The following IPO11 variants were observed in gnomAD, a reference collection of about 807,000 sequenced individuals.
IPO11 encodes the protein importin-11.
In IPO11, 66 loss-of-function variants were observed where a neutral mutation model predicts 143.2. That is an observed-to-expected ratio of 0.46 (90% CI 0.38 to 0.57). The LOEUF is 0.57. Ranked by LOEUF, IPO11 falls within the 20% of genes least tolerant of loss-of-function variation. IPO11 has a pLI of 0.00. For missense variants in IPO11, 1,026 were observed against 1,141.0 expected (o/e 0.90, Z 1.45); for synonymous variants, 385 against 377.8 (o/e 1.02, Z -0.22).
chr5:62,594,440 A>G (rs1040617049), intron 28 of IPO11, among the ~76,000 whole-genome samples: 1 of 152,198 alleles, frequency 6.6e-6, no homozygotes, highest in African/African-American at 2.4e-5. Context: ...GAAGAAGTAC[A>G]GTGTCCCAGC....
chr5:62,616,560 A>T (rs1051406614), intron 29 of IPO11, among the ~76,000 whole-genome samples: 2 of 151,716 alleles, frequency 1.3e-5, no homozygotes, highest in Non-Finnish European at 2.9e-5. Flanking sequence ...TCTATACTAA[A>T]AATACAAAAA....
intron 1 of IPO11, among the ~76,000 whole-genome samples, chr5:62,434,017 T>C (rs1174954734): frequency 2.6e-5 from 4 of 152,302 alleles, no homozygotes; most frequent in South Asian, 2.1e-4. Flanking sequence ...TATACCTATA[T>C]GAAAAGCCTA....
At chr5:62,485,300 C>A (rs26640) in intron 11 of IPO11, 119 bp from the exon 12 acceptor site, 753,431 of 753,440 alleles carry the variant, frequency 1, 376,711 homozygotes, top group Middle Eastern at 1. Context: ...GTTCCCAAGG[C>A]TTTGCTCTTA....
chr5:62,484,959 C>T (rs1414655907), intron 11 of IPO11, among the ~76,000 whole-genome samples: 1 of 150,586 alleles, frequency 6.6e-6, no homozygotes, highest in African/African-American at 2.4e-5. Flanking sequence ...GTACATACAA[C>T]ATTGTAACAT....
intron 21 of IPO11, 103 bp from the exon 22 acceptor site, chr5:62,530,606 T>TA (rs546363596): frequency 1.6e-5 from 11 of 671,752 alleles, no homozygotes; most frequent in East Asian, 2.7e-5. Flanking sequence ...ATTATACACT[T>TA]ACCTTTCTTC....
rs1340072288 is a variant in IPO11 at position 62,513,919 on chromosome 5, G to A, written c.1783-1469G>A. Among the ~76,000 whole-genome samples, 7 of 150,688 alleles carry A rather than the reference G, an allele frequency of 4.6e-5. No homozygotes were observed. In the East Asian group the frequency reaches 6.0e-4, roughly 13 times the overall value. ...CGCTCCTCACCTCCCAGACGGGGTC[G>A]CGGCCGGGCCGAGGCGCTCCTCACA... is the stretch of plus-strand genomic sequence containing the variant. On this transcript the variant is annotated intron_variant, in intron 19 of 29. Transcript: ENST00000325324.
At chr5:62,579,492 CT>C (rs1432638455) in intron 27 of IPO11, 6 of 1,550,776 alleles carry the variant, frequency 3.9e-6, no homozygotes, top group Non-Finnish European at 2.6e-6. Flanking sequence ...TGGTTGTTAC[CT>C]GTTATCTTTT....
At chr5:62,558,755 G>A (rs567136551) in intron 26 of IPO11, among the ~76,000 whole-genome samples, 1 of 151,924 alleles carries the variant, frequency 6.6e-6, no homozygotes, top group Non-Finnish European at 1.5e-5. Context: ...ATATTTTAAC[G>A]AATAAAATAT....
chr5:62,424,561 G>T (rs922360594), intron 1 of IPO11, among the ~76,000 whole-genome samples: 3 of 151,398 alleles, frequency 2.0e-5, no homozygotes, highest in Non-Finnish European at 2.9e-5. Context: ...GACCATAGGT[G>T]CATGCCACCA....
chr5:62,575,708 C>CA (rs2112392253), intron 27 of IPO11, among the ~76,000 whole-genome samples: 1 of 152,268 alleles, frequency 6.6e-6, no homozygotes, highest in South Asian at 2.1e-4. Context: ...CAGGCAAAGT[C>CA]ACATGGTGCT....
chr5:62,440,944 CG>C (rs1744450000), intron 2 of IPO11, among the ~76,000 whole-genome samples: 1 of 151,368 alleles, frequency 6.6e-6, no homozygotes, highest in South Asian at 2.1e-4. Flanking sequence ...GTCAGTGCAA[CG>C]GGAGTGAGAC....
chr5:62,425,952 C>T (rs536975138), intron 1 of IPO11, among the ~76,000 whole-genome samples: 1 of 152,180 alleles, frequency 6.6e-6, no homozygotes, highest in African/African-American at 2.4e-5. Flanking sequence ...ATAGACATGA[C>T]TATTTGGAGC....
At chr5:62,549,017 T>G (rs1743305930) in intron 24 of IPO11, among the ~76,000 whole-genome samples, 1 of 152,198 alleles carries the variant, frequency 6.6e-6, no homozygotes, top group Admixed American at 6.5e-5. Flanking sequence ...TATCTGCCTC[T>G]GTGACTCTCT....
At chr5:62,591,550 A>G (rs1345598891) in intron 27 of IPO11, 27 bp from the exon 28 acceptor site, 3 of 1,331,236 alleles carry the variant, frequency 2.3e-6, no homozygotes, top group Admixed American at 2.0e-5. Flanking sequence ...ATTCCAGTTA[A>G]CCTGTTTTGC....
intron 12 of IPO11, among the ~76,000 whole-genome samples, chr5:62,487,481 T>C (rs916240034): frequency 6.6e-6 from 1 of 152,172 alleles, no homozygotes; most frequent in African/African-American, 2.4e-5. Context: ...ATTTAAGGTA[T>C]GATTAATTTA....
chr5:62,530,832 A>G (rs372186071), intron 22 of IPO11, 47 bp downstream of exon 22: 14 of 1,418,098 alleles, frequency 9.9e-6, no homozygotes. Flanking sequence ...ATGCAACCAT[A>G]ATTGGGAGGC....
At chr5:62,442,947 C>A in intron 2 of IPO11, 36 bp from the exon 3 acceptor site, 1 of 1,167,126 alleles carries the variant, frequency 8.6e-7, no homozygotes, top group Non-Finnish European at 1.2e-6. Flanking sequence ...TTTACTTATT[C>A]CATGCTAATT....
At chr5:62,581,320 T>C (rs1744552578) in intron 27 of IPO11, 1 of 1,485,536 alleles carries the variant, frequency 6.7e-7, no homozygotes. Flanking sequence ...CAACTAAATA[T>C]TGTCTATAAG....
chr5:62,509,472 G>T (rs1741673627), intron 19 of IPO11, among the ~76,000 whole-genome samples: 1 of 152,114 alleles, frequency 6.6e-6, no homozygotes, highest in Non-Finnish European at 1.5e-5. Context: ...TACTCAAAGT[G>T]CTTCCCCCAC....
Sources: allele counts gnomAD v4.1 joint callset (sites outside exome capture counted in the v4.1 genomes callset), GRCh38; gene constraint gnomAD v4.1.1; transcripts MANE v1.5; gene names NCBI Gene and HGNC (gene_info 2026-07-23, HGNC 2026-07-21).